The following TGM3 variants were observed in gnomAD, a reference collection of about 807,000 sequenced individuals.
TGM3 encodes the protein protein-glutamine gamma-glutamyltransferase E.
A neutral mutation model predicts 73.8 loss-of-function variants in TGM3; 52 were observed. The observed-to-expected ratio is 0.70, with a 90% CI of 0.56 to 0.89. The LOEUF (loss-of-function observed/expected upper bound fraction) is 0.89, where lower values mean the gene tolerates loss of function less well. TGM3 is among the 40% of genes least tolerant of loss of function. TGM3 has a pLI of 0.00. For missense variants in TGM3, 928 were observed against 909.9 expected (o/e 1.02, Z -0.26); for synonymous variants, 372 against 354.9 (o/e 1.05, Z -0.54).
intron 1 of TGM3, among the ~76,000 whole-genome samples, chr20:2,308,714 C>A (rs1217399701): frequency 6.6e-6 from 1 of 152,140 alleles, no homozygotes; most frequent in Non-Finnish European, 1.5e-5. Flanking sequence ...GAGGCCCAGG[C>A]CAATACCGAG....
At chr20:2,322,242 T>C (rs1368851079) in intron 7 of TGM3, among the ~76,000 whole-genome samples, 1 of 152,186 alleles carries the variant, frequency 6.6e-6, no homozygotes, top group African/African-American at 2.4e-5. Flanking sequence ...TCTGATCTTA[T>C]TCACATATCT....
At chr20:2,339,768 C>T (rs2084370017) in intron 11 of TGM3, 86 bp from the exon 12 acceptor site, 9 of 1,576,560 alleles carry the variant, frequency 5.7e-6, no homozygotes, top group Non-Finnish European at 6.9e-6. Flanking sequence ...ACCCCCTTCA[C>T]TCAGTCACCC....
At chr20:2,305,688 C>T (rs143262701) in intron 1 of TGM3, among the ~76,000 whole-genome samples, 2 of 152,258 alleles carry the variant, frequency 1.3e-5, no homozygotes, top group Admixed American at 6.5e-5. Flanking sequence ...TTGGTGCTGC[C>T]GGGGCTCACG....
At chr20:2,315,281 A>G (rs1490535701) in intron 5 of TGM3, among the ~76,000 whole-genome samples, 1 of 152,220 alleles carries the variant, frequency 6.6e-6, no homozygotes, top group East Asian at 1.9e-4. Context: ...GGGCTGGGCC[A>G]TGAACTAATT....
At chr20:2,309,377 A>G (rs1407389263) in intron 1 of TGM3, among the ~76,000 whole-genome samples, 1 of 152,188 alleles carries the variant, frequency 6.6e-6, no homozygotes, top group African/African-American at 2.4e-5. Flanking sequence ...TGGGAACAGG[A>G]TGCACAGAGG....
chr20:2,340,019 A>AGGGCTGGAGG, intron 12 of TGM3, 32 bp downstream of exon 12: 1 of 140,060 alleles, frequency 7.1e-6, no homozygotes, highest in Non-Finnish European at 1.5e-5. Context: ...CCGGTGCAGG[A>AGGGCTGGAGG]GGGCGGGAGG....
intron 1 of TGM3, among the ~76,000 whole-genome samples, chr20:2,305,574 G>T (rs954888875): frequency 6.6e-6 from 1 of 152,168 alleles, no homozygotes; most frequent in Non-Finnish European, 1.5e-5. Flanking sequence ...ATAGCAGTTG[G>T]CATAAAGAAG....
At chr20:2,304,375 C>T (rs1357146617) in intron 1 of TGM3, among the ~76,000 whole-genome samples, 2 of 152,208 alleles carry the variant, frequency 1.3e-5, no homozygotes, top group Non-Finnish European at 2.9e-5. Context: ...CTGGCAGCCC[C>T]TACTCAGGGA....
chr20:2,330,281 T>C (rs983359236), intron 9 of TGM3, among the ~76,000 whole-genome samples: 12 of 152,196 alleles, frequency 7.9e-5, no homozygotes, highest in African/African-American at 2.9e-4. Flanking sequence ...ACCCAGCAGG[T>C]GACCTATATA....
chr20:2,311,826 T>G (rs2084204991), intron 4 of TGM3, among the ~76,000 whole-genome samples: 1 of 152,050 alleles, frequency 6.6e-6, no homozygotes. Context: ...AGAGGCTATT[T>G]TTTTTTATGG....
Position 2,335,291 on chromosome 20 carries a change from C to T in TGM3, c.1800+18C>T, listed in dbSNP as rs1278788373. On this transcript the variant is annotated intron_variant, in intron 11 of 12. Transcript: ENST00000381458. ...CCCTGGAGGTAATGGGGCTCCCCAT[C>T]CTGTGGGAAGGGGTTCTGCCCCCAG... 6.2e-7 allele frequency: 1 copy of T among 1,613,178 alleles called. No individual in the cohort carries two copies. The highest frequency in any genetic ancestry group is 1.7e-5 in the Admixed American group (1 of 59,980).
At chr20:2,335,781 C>T (rs1159440096) in intron 11 of TGM3, among the ~76,000 whole-genome samples, 1 of 152,140 alleles carries the variant, frequency 6.6e-6, no homozygotes, top group East Asian at 1.9e-4. Flanking sequence ...TAGGCCTGAC[C>T]CACAGCATCT....
chr20:2,316,840 C>T (rs2084235682), intron 5 of TGM3, among the ~76,000 whole-genome samples: 1 of 152,146 alleles, frequency 6.6e-6, no homozygotes, highest in Non-Finnish European at 1.5e-5. Flanking sequence ...GACAATCAAA[C>T]ATGGCCTGTT....
chr20:2,327,311 T>A lies in TGM3; in HGVS notation c.1088-809T>A, dbSNP rs1476457511. Among the ~76,000 whole-genome samples, 5 of 147,454 alleles carry A rather than the reference T, an allele frequency of 3.4e-5. No homozygotes were observed. In the East Asian group the frequency reaches 7.8e-4, roughly 23 times the overall value. Reference sequence around the variant, plus strand: ...TGGTGAAACCCCGTCTCTACTAAAATTACAAAAAAAAAAAATTAGCCGGGC... The same window carrying A: ...TGGTGAAACCCCGTCTCTACTAAAAATACAAAAAAAAAAAATTAGCCGGGC... On this transcript the variant is annotated intron_variant, in intron 8 of 12. Coordinates refer to ENST00000381458, the MANE Select transcript of TGM3 (RefSeq NM_003245.4).
chr20:2,333,500 C>G (rs1341426016), intron 10 of TGM3, among the ~76,000 whole-genome samples: 1 of 152,094 alleles, frequency 6.6e-6, no homozygotes, highest in African/African-American at 2.4e-5. Context: ...CCTGCCTCAG[C>G]CCCCCAAGTA....
chr20:2,323,069 CT>C (rs2084270063), intron 7 of TGM3, among the ~76,000 whole-genome samples: 1 of 151,598 alleles, frequency 6.6e-6, no homozygotes, highest in Non-Finnish European at 1.5e-5. Flanking sequence ...TTTCTTTTTC[CT>C]TTTTTATTTC....
At chr20:2,316,108 C>T (rs1461612401) in intron 5 of TGM3, among the ~76,000 whole-genome samples, 8 of 152,140 alleles carry the variant, frequency 5.3e-5, no homozygotes, top group Non-Finnish European at 7.4e-5. Context: ...ACTCAGGTCT[C>T]GATTTCTAGT....
At position 2,328,215 on chromosome 20, in the gene TGM3, G is replaced by T. The variant is rs759967591; in HGVS notation, c.1183G>T (p.Ala395Ser). The change falls in exon 9 of 13, where the codon GCC (alanine) becomes TCC (serine). Residue 395 changes from alanine (A) to serine (S), a missense_variant. By Grantham distance (99) the Ala-to-Ser change is moderately conservative. Coordinates refer to ENST00000381458, the MANE Select transcript of TGM3 (RefSeq NM_003245.4). This position sits in a 1 kb window ranked among gnomAD's most constrained non-coding sequence, Gnocchi z 5.2. ...DMPFIFAEVN[A>S]DRITWLYDNT... is the part of the protein sequence containing the mutation. ...GCCCTTTATCTTCGCGGAGGTTAAT[G>T]CCGACCGCATCACCTGGCTGTACGA... 6.2e-7 allele frequency: 1 copy of T among 1,614,154 alleles called. No individual in the cohort carries two copies. The highest frequency in any genetic ancestry group is 8.5e-7 in the Non-Finnish European group (1 of 1,180,044).
rs56347560 is a variant in TGM3 at position 2,302,714 on chromosome 20, T to TAAAAAAA, written c.7+6653_7+6659dup. On this transcript the variant is annotated intron_variant, in intron 1 of 12. Coordinates refer to ENST00000381458, the MANE Select transcript of TGM3 (RefSeq NM_003245.4). ...CAACTGTTTATATAAAGAGGTTTTCTAAAAAAAAAAAAAAATTTAAAACAG... is the reference window on the plus strand; with the variant it reads ...CAACTGTTTATATAAAGAGGTTTTCTAAAAAAAAAAAAAAAAAAAAAATTTAAAACAG... Among the ~76,000 whole-genome samples, 74 of 105,268 alleles carry TAAAAAAA rather than the reference T, an allele frequency of 7.0e-4. 3 individuals are homozygous for TAAAAAAA. The highest frequency in any genetic ancestry group is 0.013 in the Middle Eastern group (2 of 158). 69.1% of individuals were successfully genotyped at this position (105,268 alleles called of 152,430 possible). A position where few individuals can be genotyped will look rare whatever the true frequency, so the allele number is the denominator to read the frequency against.
Sources: allele counts gnomAD v4.1 joint callset (sites outside exome capture counted in the v4.1 genomes callset), GRCh38; gene constraint gnomAD v4.1.1; non-coding constraint Gnocchi (gnomAD v3.1); transcripts MANE v1.5; gene names NCBI Gene and HGNC (gene_info 2026-07-23, HGNC 2026-07-21).